TECTA: variants seen among roughly 807,000 people sequenced by gnomAD.
TECTA encodes the protein alpha-tectorin.
A neutral mutation model predicts 216.8 loss-of-function variants in TECTA; 128 were observed. That is an observed-to-expected ratio of 0.59 (90% CI 0.51 to 0.68). The LOEUF (loss-of-function observed/expected upper bound fraction) is 0.68, where lower values mean the gene tolerates loss of function less well. Ranked by LOEUF, TECTA falls within the 30% of genes least tolerant of loss-of-function variation. The pLI is 0.00. For synonymous variants in TECTA, 1,089 were observed against 1,117.1 expected (o/e 0.97, Z 0.50); for missense variants, 2,551 against 2,786.2 (o/e 0.92, Z 1.90).
Position 121,129,748 on chromosome 11 carries a change from G to A in TECTA, c.2478G>A (p.Gln826=), listed in dbSNP as rs760576057. 10 of 1,614,234 alleles carry A rather than the reference G, an allele frequency of 6.2e-6. No individual in the cohort carries two copies. Among genetic ancestry groups the A allele is most frequent in the Non-Finnish European group, 8.5e-6 (10 of 1,180,044 alleles). The change falls in exon 10 of 24, where the codon CAG becomes CAA. Residue 826 remains glutamine, a synonymous_variant. Transcript: ENST00000392793. Reference sequence around the variant, plus strand: ...AGTCCAAGGGCGTGGTGACTGTCCAGTACTCAGACATAGGTCTATTGTACA... The same window carrying A: ...AGTCCAAGGGCGTGGTGACTGTCCAATACTCAGACATAGGTCTATTGTACA... The part of the protein sequence containing the change: ...TVESKGVVTV[Q]YSDIGLLYIR...
chr11:121,112,548 C>T (rs1946451269), intron 4 of TECTA, among the ~76,000 whole-genome samples: 1 of 152,152 alleles, frequency 6.6e-6, no homozygotes, highest in African/African-American at 2.4e-5. Flanking sequence ...ATCACTTTCC[C>T]ACTTCCATTT....
chr11:121,174,874 T>C (rs1010348962), intron 20 of TECTA, among the ~76,000 whole-genome samples: 3 of 152,250 alleles, frequency 2.0e-5, no homozygotes, highest in African/African-American at 7.2e-5. Context: ...TCAGAGCCTG[T>C]TACTGATCTG....
intron 23 of TECTA, 139 bp downstream of exon 23, chr11:121,190,019 G>A: frequency 1.4e-6 from 1 of 722,722 alleles, no homozygotes; most frequent in Non-Finnish European, 2.5e-6. Flanking sequence ...AGGAAAGATG[G>A]GGAACATGCC....
rs1246804285 is a variant in TECTA, at chr11:121,135,993, C to T, written c.2942-1428C>T. Among the ~76,000 whole-genome samples the T allele has an allele frequency of 2.6e-5, 4 of 151,260 alleles. No homozygotes were observed. In the East Asian group the frequency reaches 7.7e-4, roughly 29 times the overall value. On this transcript the variant is annotated intron_variant, in intron 10 of 23. Transcript: ENST00000392793. ...TTTTTTCTCCAGACGGAGTCTCGCT[C>T]TGTCACCCAGGCTGGAGTACAGTGG...
chr11:121,138,357 G>A (rs956878463), intron 11 of TECTA, among the ~76,000 whole-genome samples: 1 of 152,158 alleles, frequency 6.6e-6, no homozygotes, highest in Non-Finnish European at 1.5e-5. Context: ...GTGACCTCAG[G>A]CAGTCACTTA....
chr11:121,158,235 T>C lies in TECTA; in HGVS notation c.4689+11T>C. On this transcript the variant is annotated intron_variant, in intron 14 of 23. Coordinates refer to ENST00000392793, the MANE Select transcript of TECTA (RefSeq NM_005422.4). ...CGGAACACGGTCAAGGTAACCAGCC[T>C]GGCGGCCATTCTTAAGAAGGGGCCC... 1 of 1,610,270 alleles carries C rather than the reference T, an allele frequency of 6.2e-7. No homozygotes were observed. The highest frequency in any genetic ancestry group is 8.5e-7 in the Non-Finnish European group (1 of 1,180,016).
At chr11:121,109,527 T>C (rs748801218) in intron 4 of TECTA, 29 bp downstream of exon 4, 2 of 1,613,348 alleles carry the variant, frequency 1.2e-6, no homozygotes, top group African/African-American at 1.3e-5. Flanking sequence ...TGCTTTCCAC[T>C]TCATAACCTG....
chr11:121,188,029 T>C (rs1389816659), intron 21 of TECTA, 35 bp downstream of exon 21: 1 of 1,612,318 alleles, frequency 6.2e-7, no homozygotes, highest in Admixed American at 1.7e-5. Context: ...TGCTTAGCCT[T>C]ATTTCTCACT....
rs1946826233 is a variant in TECTA at position 121,145,543 on chromosome 11, C to G, written c.3544-12C>G. On this transcript the variant is annotated splice_polypyrimidine_tract_variant and intron_variant, in intron 11 of 23. Coordinates refer to ENST00000392793, the MANE Select transcript of TECTA (RefSeq NM_005422.4). ...CCAACTGTGTTTCTCCACCTCATCT[C>G]TCCTCTTACAGGTCAACAGTGAACG... 6.2e-7 allele frequency: 1 copy of G among 1,614,090 alleles called. No individual in the cohort carries two copies. The highest frequency in any genetic ancestry group is 8.5e-7 in the Non-Finnish European group (1 of 1,179,948).
chr11:121,103,936 A>C (rs1205836263), intron 2 of TECTA, among the ~76,000 whole-genome samples: 1 of 152,196 alleles, frequency 6.6e-6, no homozygotes, highest in Non-Finnish European at 1.5e-5. Context: ...AGAATCTTGC[A>C]AACTGCCTCA....
At chr11:121,181,358 T>G (rs1176768889) in intron 20 of TECTA, among the ~76,000 whole-genome samples, 1 of 152,120 alleles carries the variant, frequency 6.6e-6, no homozygotes, top group Non-Finnish European at 1.5e-5. Flanking sequence ...TGTGTTTTCC[T>G]GTATCTCACT....
chr11:121,170,229 C>T (rs1351265341), intron 20 of TECTA, among the ~76,000 whole-genome samples: 2 of 152,096 alleles, frequency 1.3e-5, no homozygotes, highest in Admixed American at 1.3e-4. Context: ...GTATATATAT[C>T]ACATTTTCTT....
chr11:121,168,343 C>A, intron 19 of TECTA, 126 bp downstream of exon 19: 1 of 1,317,804 alleles, frequency 7.6e-7, no homozygotes, highest in Non-Finnish European at 1.1e-6. Context: ...TTTCTTGAGC[C>A]TAAATGCTTT....
At chr11:121,181,279 A>T (rs1947226263) in intron 20 of TECTA, among the ~76,000 whole-genome samples, 1 of 151,856 alleles carries the variant, frequency 6.6e-6, no homozygotes, top group Non-Finnish European at 1.5e-5. Context: ...GGTTCTTTTT[A>T]TCTGTCTCTT....
In TECTA at chr11:121,105,978, C is replaced by A. The variant is rs1431376487; in HGVS notation, c.198+14C>A. The A allele has an allele frequency of 1.9e-6, 3 of 1,614,188 alleles. No individual in the cohort carries two copies. The highest frequency in any genetic ancestry group is 4.5e-5 in the East Asian group (2 of 44,892). On this transcript the variant is annotated intron_variant, in intron 3 of 23. Coordinates refer to ENST00000392793, the MANE Select transcript of TECTA (RefSeq NM_005422.4). This position sits in a 1 kb window ranked among gnomAD's most constrained non-coding sequence, Gnocchi z 5.3. ...CGCACTGTCTATGTAAGTGGAGAAG[C>A]AGCCCATCTGTTGTTCTCTGGCCCT...
intron 7 of TECTA, among the ~76,000 whole-genome samples, chr11:121,122,844 C>G (rs923562311): frequency 1.1e-4 from 10 of 95,200 alleles, no homozygotes; most frequent in African/African-American, 4.7e-4. Context: ...CAGAGCAAGA[C>G]CCTGTTTCAA....
chr11:121,170,176 A>G (rs1036547324), intron 20 of TECTA, among the ~76,000 whole-genome samples: 1 of 152,154 alleles, frequency 6.6e-6, no homozygotes, highest in African/African-American at 2.4e-5. Context: ...GTTGCAAATG[A>G]TAGGATTTCA....
intron 20 of TECTA, among the ~76,000 whole-genome samples, chr11:121,174,785 C>T (rs555813709): frequency 6.6e-6 from 1 of 152,198 alleles, no homozygotes; most frequent in East Asian, 1.9e-4. Context: ...CCTCCTTGTA[C>T]CTCTGGTAGA....
chr11:121,125,297 G>A lies in TECTA; in HGVS notation c.1204-5G>A. 1 of 1,612,082 alleles carries A rather than the reference G, an allele frequency of 6.2e-7. No individual in the cohort carries two copies. Among genetic ancestry groups the A allele is most frequent in the Non-Finnish European group, 8.5e-7 (1 of 1,179,982 alleles). On this transcript the variant is annotated splice_region_variant and splice_polypyrimidine_tract_variant and intron_variant, in intron 7 of 23. Coordinates refer to ENST00000392793, the MANE Select transcript of TECTA (RefSeq NM_005422.4). ...CCTGCCTTTCACTATTACTGTTGTT[G>A]GCAGGTTAATGACCTAGTGACTTCT... is the stretch of plus-strand genomic sequence containing the variant.
Sources: allele counts gnomAD v4.1 joint callset (sites outside exome capture counted in the v4.1 genomes callset), GRCh38; gene constraint gnomAD v4.1.1; non-coding constraint Gnocchi (gnomAD v3.1); transcripts MANE v1.5; gene names NCBI Gene and HGNC (gene_info 2026-07-23, HGNC 2026-07-21).